The following FSIP2 variants were observed in gnomAD, a reference collection of about 807,000 sequenced individuals.
The protein encoded by FSIP2 is fibrous sheath interacting protein 2, also known as fibrous sheath-interacting protein 2.
In FSIP2, 367 loss-of-function variants were observed where a neutral mutation model predicts 510.5. The ratio of observed to expected loss-of-function variants is 0.72; its 90% confidence interval spans 0.66 to 0.78. FSIP2 has a LOEUF of 0.78. Ranked by LOEUF, FSIP2 falls within the 30% of genes least tolerant of loss-of-function variation. The pLI is 0.00. For missense variants in FSIP2, 7,594 were observed against 7,901.7 expected, an observed-to-expected ratio of 0.96 and a Z score of 1.48; for synonymous variants, 2,601 against 2,732.2, an observed-to-expected ratio of 0.95 and a Z score of 1.50.
rs767077180 is a variant in FSIP2, at chr2:185,806,545, A to G, written c.17239A>G (p.Lys5747Glu). 1.1e-5 allele frequency: 18 copies of G among 1,600,498 alleles called. No homozygotes were observed. The East Asian group carries it at 4.0e-4, about 36-fold the overall frequency. ...STNKNISAKE[K>E]EEEEREKEKV... The stretch of plus-strand genomic sequence containing the variant: ...TAACAAAAATATCTCTGCCAAAGAA[A>G]AAGAAGAGGAAGAGAGAGAAAAAGA... The change falls in exon 17 of 23, where the codon AAA (lysine) becomes GAA (glutamate). Residue 5747 changes from lysine (K) to glutamate (E), a missense_variant. Lys to Glu is a moderately conservative substitution (Grantham distance 56). Transcript: ENST00000424728.
chr2:185,824,531 GTTT>G, intron 20 of FSIP2, 51 bp downstream of exon 20: 1 of 903,592 alleles, frequency 1.1e-6, no homozygotes, highest in South Asian at 1.7e-5. Flanking sequence ...ACTTTGATGT[GTTT>G]TTTTTTTAGT....
rs1693444743 is a variant in FSIP2, at chr2:185,801,856, A to C, written c.12550A>C (p.Lys4184Gln). ...TGAAATGTCCACTTGTATAATAAATAAGGTTATGTCAGCCATTTCAAAACA... is the reference window on the plus strand; with the variant it reads ...TGAAATGTCCACTTGTATAATAAATCAGGTTATGTCAGCCATTTCAAAACA... ...FNEMSTCIINKVMSAISKHKI... is the reference protein window; with the variant it reads ...FNEMSTCIINQVMSAISKHKI... Residue 4184 changes from lysine to glutamine, a missense_variant, in exon 17 of 23, where the codon AAG becomes CAG. Coordinates refer to ENST00000424728, the MANE Select transcript of FSIP2 (RefSeq NM_173651.4). 1.3e-6 allele frequency: 2 copies of C among 1,486,276 alleles called. No individual in the cohort carries two copies. The highest frequency in any genetic ancestry group is 1.8e-6 in the Non-Finnish European group (2 of 1,120,090). The allele number at this position is 1,486,276 out of a possible 1,614,324, so 92.1% of individuals were successfully genotyped here.
chr2:185,746,835 T>C, intron 6 of FSIP2, 25 bp downstream of exon 6: 1 of 1,463,886 alleles, frequency 6.8e-7, no homozygotes, highest in Non-Finnish European at 9.0e-7. Flanking sequence ...CTTTAAAATA[T>C]TAACAGAAAA....
intron 15 of FSIP2, among the ~76,000 whole-genome samples, chr2:185,787,765 G>C (rs1328745338): frequency 6.6e-6 from 1 of 151,374 alleles, no homozygotes; most frequent in African/African-American, 2.4e-5. Context: ...TCTGGTTCTT[G>C]GCTCCAGCTC....
In FSIP2 at chr2:185,745,460, C is replaced by T. The variant is rs549974885; in HGVS notation, c.509C>T (p.Pro170Leu). The T allele has an allele frequency of 1.3e-5, 20 of 1,533,482 alleles. No individual in the cohort carries two copies. Among genetic ancestry groups the T allele is most frequent in the Middle Eastern group, 1.7e-4 (1 of 5,984 alleles). 95.0% of individuals were successfully genotyped at this position (1,533,482 alleles called of 1,614,324 possible). ...CTTGCAAAACAACTACATAACATAC[C>T]GGAAAACAATCAAATCCCTCAACAT... Reference protein sequence around the residue: ...RILAKQLHNIPENNQIPQHCD... With the variant: ...RILAKQLHNILENNQIPQHCD... Residue 170 changes from proline (P) to leucine (L), a missense_variant, in exon 5 of 23, where the codon CCG becomes CTG. By Grantham distance (98) the Pro-to-Leu change is moderately conservative. Coordinates refer to ENST00000424728, the MANE Select transcript of FSIP2 (RefSeq NM_173651.4).
chr2:185,763,705 A>C (rs1692400813), intron 12 of FSIP2, among the ~76,000 whole-genome samples: 1 of 151,754 alleles, frequency 6.6e-6, no homozygotes, highest in South Asian at 2.1e-4. Context: ...TTTCATCATT[A>C]GTATAGTATT....
chr2:185,799,132 G>T (rs1401576063), intron 16 of FSIP2, among the ~76,000 whole-genome samples: 1 of 151,782 alleles, frequency 6.6e-6, no homozygotes, highest in Non-Finnish European at 1.5e-5. Flanking sequence ...TCACCTGGCT[G>T]GGCCAACCTT....
Position 185,739,466 on chromosome 2 carries a change from GA to G in FSIP2, c.224del (p.Lys75SerfsTer11). 3 of 1,498,164 alleles carry G rather than the reference GA, an allele frequency of 2.0e-6. No homozygotes were observed. Among genetic ancestry groups the G allele is most frequent in the Non-Finnish European group, 2.7e-6 (3 of 1,128,548 alleles). 92.8% of individuals were successfully genotyped at this position (1,498,164 alleles called of 1,614,324 possible). On this transcript the variant is annotated frameshift_variant, in exon 2 of 23. Transcript: ENST00000424728. LOFTEE classifies it high-confidence loss of function. Reference protein sequence around the residue: ...NAVFYTTNFGEKLFRPSYGFN... With the variant: ...NAVFYTTNFGXKLFRPSYGFN... Reference sequence around the variant, plus strand: ...TGTATTCTATACTACGAATTTCGGTGAAAAGGTGAACAAGTTTTTATCGTCT... The same window carrying G: ...TGTATTCTATACTACGAATTTCGGTGAAAGGTGAACAAGTTTTTATCGTCT...
At chr2:185,760,962 A>G (rs1302104289) in intron 9 of FSIP2, 26 bp from the exon 10 acceptor site, 2 of 896,828 alleles carry the variant, frequency 2.2e-6, no homozygotes, top group East Asian at 2.7e-5. Context: ...AAAAAACTAT[A>G]GAGTTTCTCT....
rs1249937291 is a variant in FSIP2 at position 185,803,400 on chromosome 2, T to G, written c.14094T>G (p.Val4698=). ...PVERDVVKTI[V]DMVYSKVLQE... ...AGAGGGATGTAGTCAAAACAATTGT[T>G]GACATGGTGTACAGCAAAGTTTTGC... The change falls in exon 17 of 23, where the codon GTT becomes GTG. Residue 4698 remains valine (V), a synonymous_variant. Coordinates refer to ENST00000424728, the MANE Select transcript of FSIP2 (RefSeq NM_173651.4). The G allele has an allele frequency of 6.5e-7, 1 of 1,533,134 alleles. No homozygotes were observed. The highest frequency in any genetic ancestry group is 8.7e-7 in the Non-Finnish European group (1 of 1,144,924). 95.0% of individuals were successfully genotyped at this position (1,533,134 alleles called of 1,614,324 possible).
In FSIP2 at chr2:185,806,611, G is replaced by T. The variant is rs760711007; in HGVS notation, c.17305G>T (p.Asp5769Tyr). 11 of 1,609,120 alleles carry T rather than the reference G, an allele frequency of 6.8e-6. No individual in the cohort carries two copies. Among genetic ancestry groups the T allele is most frequent in the Non-Finnish European group, 9.3e-6 (11 of 1,178,174 alleles). The change falls in exon 17 of 23, where the codon GAT becomes TAT. Residue 5769 changes from aspartate to tyrosine, a missense_variant. Asp to Tyr is a radical substitution (Grantham distance 160). Transcript: ENST00000424728. ...GATTAAAAGTGAACCCAGTAAACCA[G>T]ATGATCCTCAAAACCAACGAGAAAG... ...EEIKSEPSKPDDPQNQRESKP... is the reference protein window; with the variant it reads ...EEIKSEPSKPYDPQNQRESKP...
rs1202951210 is a variant in FSIP2, at chr2:185,831,863, C to T, written c.20568C>T (p.Pro6856=). 1 of 1,604,122 alleles carries T rather than the reference C, an allele frequency of 6.2e-7. No individual in the cohort carries two copies. Among genetic ancestry groups the T allele is most frequent in the Non-Finnish European group, 8.5e-7 (1 of 1,171,984 alleles). Residue 6856 remains proline, a synonymous_variant, in exon 22 of 23, where the codon CCC becomes CCT. Transcript: ENST00000424728. ...AGGATGTTCTTGGCAGTGCAAATCC[C>T]TCAAAGGAAGTCATTTCAGGTACAA... is the stretch of plus-strand genomic sequence containing the variant. ...RSKDVLGSAN[P]SKEVISETPK...
chr2:185,792,514 TAATC>T lies in FSIP2; in HGVS notation c.5386_5389del (p.Gln1796Ter). On this transcript the variant is annotated frameshift_variant, in exon 16 of 23. Transcript: ENST00000424728. LOFTEE classifies it high-confidence loss of function. ...TTGAATGAAATTTTTCAAAGTACTT[TAATC>T]AATCAATTAAATGTCCTTTCTCTCT... 6.5e-7 allele frequency: 1 copy of T among 1,530,068 alleles called. No individual in the cohort carries two copies. The highest frequency in any genetic ancestry group is 8.8e-7 in the Non-Finnish European group (1 of 1,142,138). The allele number at this position is 1,530,068 out of a possible 1,614,324, so 94.8% of individuals were successfully genotyped here.
At chr2:185,774,597 ATACTT>A (rs759188756) in intron 13 of FSIP2, among the ~76,000 whole-genome samples, 23 of 151,204 alleles carry the variant, frequency 1.5e-4, no homozygotes, top group Non-Finnish European at 2.7e-4. Flanking sequence ...TTTTTTTACT[ATACTT>A]TAAGTTTTAG....
chr2:185,807,409 G>T lies in FSIP2; in HGVS notation c.18103G>T (p.Glu6035Ter). ...AACAATATCCAGCACAAAAACAAAA[G>T]AACCTGAGGACAATTTGTCCACAGA... ...FSTISSTKTKEPEDNLSTELN... is the reference protein window; with the variant it reads ...FSTISSTKTK Residue 6035 changes from glutamate (E) to a stop codon, truncating the protein, a stop_gained, in exon 17 of 23, where the codon GAA becomes TAA. Transcript: ENST00000424728. LOFTEE classifies it high-confidence loss of function. 1 of 1,608,598 alleles carries T rather than the reference G, an allele frequency of 6.2e-7. No individual in the cohort carries two copies. The highest frequency in any genetic ancestry group is 1.3e-5 in the African/African-American group (1 of 74,602).
At chr2:185,787,405 T>A (rs1315329361) in intron 15 of FSIP2, among the ~76,000 whole-genome samples, 1 of 151,718 alleles carries the variant, frequency 6.6e-6, no homozygotes, top group East Asian at 1.9e-4. Flanking sequence ...ATATGTTAAC[T>A]TTTCTTTGAA....
intron 19 of FSIP2, among the ~76,000 whole-genome samples, chr2:185,816,185 CAG>C (rs1220182513): frequency 8.1e-6 from 1 of 124,190 alleles, no homozygotes; most frequent in Non-Finnish European, 1.7e-5. Flanking sequence ...ATGTTATACA[CAG>C]AAAAATCTAG....
At chr2:185,827,252 T>G (rs1012072719) in intron 20 of FSIP2, among the ~76,000 whole-genome samples, 12 of 151,870 alleles carry the variant, frequency 7.9e-5, no homozygotes, top group African/African-American at 2.7e-4. Context: ...GATTGAGATT[T>G]TACTATTACT....
intron 13 of FSIP2, among the ~76,000 whole-genome samples, chr2:185,769,550 A>AT (rs756392738): frequency 2.0e-5 from 3 of 151,892 alleles, no homozygotes; most frequent in Non-Finnish European, 2.9e-5. Flanking sequence ...GTTTGCAAAT[A>AT]TTTTTTCCCA....
Sources: gnomAD v4.1 joint callset for allele counts (sites outside exome capture counted in the v4.1 genomes callset) on GRCh38, gnomAD v4.1.1 for gene constraint, MANE v1.5 for transcripts, NCBI Gene and HGNC (gene_info 2026-07-23, HGNC 2026-07-21) for gene names.